Variants in RIT2 observed in about 807,000 individuals in gnomAD.
RIT2 encodes Ras like without CAAX 2.
A neutral mutation model predicts 23.7 loss-of-function variants in RIT2; 24 were observed. The ratio of observed to expected loss-of-function variants is 1.01; its 90% confidence interval spans 0.73 to 1.43. The LOEUF (loss-of-function observed/expected upper bound fraction) is 1.43, where lower values mean the gene tolerates loss of function less well. RIT2 is among the 40% of genes most tolerant of loss of function. The pLI is 0.00. For synonymous variants in RIT2, 107 were observed against 91.1 expected (o/e 1.17, Z -0.99); for missense variants, 236 against 266.9 (o/e 0.88, Z 0.81).
rs529985617 is a variant in RIT2, at chr18:42,926,435, T to C, written c.235-2672A>G. 6.6e-5 allele frequency among the ~76,000 whole-genome samples: 10 copies of C among 152,100 alleles called. No individual in the cohort carries two copies. In the South Asian group the frequency reaches 1.9e-3, roughly 28 times the overall value. ...CTTTGAAAAGGGTTGGTTCTTTTTG[T>C]TGTTCAACTGTATATTGTTTTTTAA... On this transcript the variant is annotated intron_variant, in intron 3 of 4. Coordinates refer to ENST00000326695, the MANE Select transcript of RIT2 (RefSeq NM_002930.4).
intron 3 of RIT2, among the ~76,000 whole-genome samples, chr18:42,932,930 A>C (rs1909362904): frequency 6.6e-6 from 1 of 152,070 alleles, no homozygotes; most frequent in African/African-American, 2.4e-5. Context: ...TCACTTATGA[A>C]CTTAAAAAAT....
At chr18:42,754,162 C>A (rs573259272) in intron 4 of RIT2, among the ~76,000 whole-genome samples, 1 of 152,138 alleles carries the variant, frequency 6.6e-6, no homozygotes, top group Non-Finnish European at 1.5e-5. Flanking sequence ...CTTCTTAGCA[C>A]GTCCCTCTTT....
intron 4 of RIT2, among the ~76,000 whole-genome samples, chr18:42,750,018 A>G (rs1235948591): frequency 2.6e-5 from 4 of 151,816 alleles, no homozygotes; most frequent in Non-Finnish European, 5.9e-5. Flanking sequence ...ATACAATGTG[A>G]TGCTGTTCAA....
At chr18:42,811,742 C>T (rs1905854557) in intron 4 of RIT2, among the ~76,000 whole-genome samples, 1 of 151,862 alleles carries the variant, frequency 6.6e-6, no homozygotes, top group South Asian at 2.1e-4. Context: ...GATTCGTTTG[C>T]AAAGCATGAC....
At chr18:43,058,485 C>T (rs1280979187) in intron 1 of RIT2, among the ~76,000 whole-genome samples, 1 of 152,136 alleles carries the variant, frequency 6.6e-6, no homozygotes, top group Non-Finnish European at 1.5e-5. Flanking sequence ...CTGTACTACA[C>T]TCAGAAGATT....
At chr18:42,752,527 A>C (rs1835500) in intron 4 of RIT2, among the ~76,000 whole-genome samples, 35,815 of 151,972 alleles carry the variant, frequency 0.24, 4,938 homozygotes, top group East Asian at 0.44. Flanking sequence ...ATATCCATCA[A>C]GTTCTACTAT....
At chr18:43,110,437 A>C (rs1913927302) in intron 1 of RIT2, among the ~76,000 whole-genome samples, 1 of 152,178 alleles carries the variant, frequency 6.6e-6, no homozygotes, top group South Asian at 2.1e-4. Context: ...CAAGGAAGAC[A>C]ATATTTCATC....
rs534552723 is a variant in RIT2, at chr18:42,775,629, G to A, written c.427-31909C>T. Among the ~76,000 whole-genome samples, 357 of 151,954 alleles carry A rather than the reference G, an allele frequency of 2.3e-3. No individual in the cohort carries two copies. In the Middle Eastern group the frequency reaches 0.024, roughly 10 times the overall value. ...GGAGAATGGCGTGAACCCGGGAGGCGGAGCTTGCAGTGAGCCTAGATCGCG... is the reference window on the plus strand; with the variant it reads ...GGAGAATGGCGTGAACCCGGGAGGCAGAGCTTGCAGTGAGCCTAGATCGCG... On this transcript the variant is annotated intron_variant, in intron 4 of 4. Coordinates refer to ENST00000326695, the MANE Select transcript of RIT2 (RefSeq NM_002930.4).
At chr18:42,829,991 A>T (rs1598672042) in intron 4 of RIT2, among the ~76,000 whole-genome samples, 1 of 152,200 alleles carries the variant, frequency 6.6e-6, no homozygotes, top group East Asian at 1.9e-4. Context: ...TTATCATTCA[A>T]ACAGTGGGAA....
chr18:42,775,278 A>G (rs1357414932), intron 4 of RIT2, among the ~76,000 whole-genome samples: 3 of 152,202 alleles, frequency 2.0e-5, no homozygotes, highest in Non-Finnish European at 4.4e-5. Flanking sequence ...GCCTCACAGT[A>G]ATAATTAAAT....
intron 4 of RIT2, among the ~76,000 whole-genome samples, chr18:42,846,877 T>C (rs1906923707): frequency 1.3e-5 from 2 of 152,150 alleles, no homozygotes; most frequent in African/African-American, 4.8e-5. Flanking sequence ...ATGTCATGAA[T>C]AGCCACTGAT....
chr18:43,050,298 T>C (rs1242826406), intron 1 of RIT2, among the ~76,000 whole-genome samples: 5 of 152,018 alleles, frequency 3.3e-5, no homozygotes, highest in Non-Finnish European at 7.4e-5. Flanking sequence ...CCCAAAGCAC[T>C]AGGATTATAG....
At chr18:42,939,799 T>C (rs1909551164) in intron 3 of RIT2, among the ~76,000 whole-genome samples, 1 of 152,106 alleles carries the variant, frequency 6.6e-6, no homozygotes, top group Admixed American at 6.6e-5. Context: ...TAATCTTTGA[T>C]AGCTCTTGGC....
chr18:43,097,686 C>T (rs558361633), intron 1 of RIT2, among the ~76,000 whole-genome samples: 1 of 151,962 alleles, frequency 6.6e-6, no homozygotes, highest in Non-Finnish European at 1.5e-5. Flanking sequence ...TCTAGAAGGT[C>T]TACATAGAAA....
At chr18:43,020,616 C>T (rs1911573696) in intron 2 of RIT2, among the ~76,000 whole-genome samples, 1 of 152,002 alleles carries the variant, frequency 6.6e-6, no homozygotes, top group Non-Finnish European at 1.5e-5. Context: ...TGTTGTAAGG[C>T]TATAGTCACA....
At chr18:42,986,951 A>G (rs1028713924) in intron 2 of RIT2, among the ~76,000 whole-genome samples, 1 of 152,226 alleles carries the variant, frequency 6.6e-6, no homozygotes, top group African/African-American at 2.4e-5. Flanking sequence ...GCAAATTTAA[A>G]AGACTAACAA....
intron 4 of RIT2, among the ~76,000 whole-genome samples, chr18:42,908,753 T>G (rs1309458425): frequency 6.6e-6 from 1 of 152,152 alleles, no homozygotes; most frequent in Non-Finnish European, 1.5e-5. Context: ...TGCTAGCAGA[T>G]TTATCATTAA....
intron 1 of RIT2, among the ~76,000 whole-genome samples, chr18:43,112,705 A>G (rs111586042): frequency 0.022 from 3,301 of 152,272 alleles, 83 homozygotes; most frequent in African/African-American, 0.064. Flanking sequence ...GAAGTTTGAG[A>G]CCAACCTGGG....
At chr18:42,922,787 C>G (rs191629321) in intron 4 of RIT2, among the ~76,000 whole-genome samples, 1 of 152,004 alleles carries the variant, frequency 6.6e-6, no homozygotes, top group Non-Finnish European at 1.5e-5. Context: ...TTTGTTTGTT[C>G]GGAGAAGTTT....
Sources: allele counts gnomAD v4.1 joint callset (sites outside exome capture counted in the v4.1 genomes callset), GRCh38; gene constraint gnomAD v4.1.1; transcripts MANE v1.5; gene names NCBI Gene and HGNC (gene_info 2026-07-23, HGNC 2026-07-21).